The following CHCHD6 variants were observed in gnomAD, a reference collection of about 807,000 sequenced individuals.
The protein encoded by CHCHD6 is coiled-coil-helix-coiled-coil-helix domain containing 6.
Under a neutral mutation model 32.3 loss-of-function variants are expected in CHCHD6, and 28 were observed. The ratio of observed to expected loss-of-function variants is 0.87; its 90% CI spans 0.64 to 1.19. The LOEUF is 1.19. Among genes scored for constraint, CHCHD6 ranks in the 50% most tolerant of loss-of-function variants. CHCHD6 has a pLI of 0.00. For missense variants in CHCHD6, 333 were observed against 307.0 expected (o/e 1.08, Z -0.63); for synonymous variants, 122 against 117.5 (o/e 1.04, Z -0.25).
rs769256372 is a variant in CHCHD6 at position 126,773,602 on chromosome 3, CTTTT to C, written c.411+40401_411+40404del. Among the ~76,000 whole-genome samples the C allele has an allele frequency of 6.7e-5, 6 of 89,946 alleles. No homozygotes were observed. In the East Asian group the frequency reaches 1.6e-3, roughly 25 times the overall value. The allele number at this position is 89,946 out of a possible 152,430, so 59.0% of individuals were successfully genotyped here. A position where few individuals can be genotyped will look rare whatever the true frequency, so the allele number is the denominator to read the frequency against. On this transcript the variant is annotated intron_variant, in intron 4 of 7. Transcript: ENST00000290913. Reference sequence around the variant, plus strand: ...GTTGGTTCTGACAGTTTCTGCTTTTCTTTTTTTTTTTTTTTTTTTTTTTTGAGAC... The same window carrying C: ...GTTGGTTCTGACAGTTTCTGCTTTTCTTTTTTTTTTTTTTTTTTTTGAGAC...
At chr3:126,757,766 G>T (rs564959970) in intron 4 of CHCHD6, among the ~76,000 whole-genome samples, 46 of 152,264 alleles carry the variant, frequency 3.0e-4, no homozygotes, top group African/African-American at 1.0e-3. Flanking sequence ...GAGCACCTAC[G>T]TACCACAGAG....
intron 4 of CHCHD6, among the ~76,000 whole-genome samples, chr3:126,817,623 G>A (rs1442435791): frequency 6.6e-6 from 1 of 152,140 alleles, no homozygotes; most frequent in African/African-American, 2.4e-5. Context: ...CTTTCCACCT[G>A]GACTGTTCAT....
chr3:126,905,357 T>C (rs1367137501), intron 5 of CHCHD6, among the ~76,000 whole-genome samples: 3 of 152,110 alleles, frequency 2.0e-5, no homozygotes, highest in Non-Finnish European at 4.4e-5. Flanking sequence ...ATGACCTTGT[T>C]GTTGGGTCTC....
chr3:126,811,945 A>G (rs976921066), intron 4 of CHCHD6, among the ~76,000 whole-genome samples: 1 of 152,152 alleles, frequency 6.6e-6, no homozygotes, highest in Non-Finnish European at 1.5e-5. Context: ...GCAACATAGT[A>G]CGTTTTCCTT....
At chr3:126,868,047 C>T (rs1298939027) in intron 5 of CHCHD6, among the ~76,000 whole-genome samples, 2 of 152,238 alleles carry the variant, frequency 1.3e-5, no homozygotes, top group African/African-American at 4.8e-5. Context: ...GCAGCATCAT[C>T]TGTCCCTGGA....
At chr3:126,796,923 A>G (rs1177852384) in intron 4 of CHCHD6, among the ~76,000 whole-genome samples, 1 of 152,168 alleles carries the variant, frequency 6.6e-6, no homozygotes, top group African/African-American at 2.4e-5. Flanking sequence ...CAGGGCCAGG[A>G]GGCCCTTAGG....
intron 5 of CHCHD6, among the ~76,000 whole-genome samples, chr3:126,914,075 A>T (rs747901514): frequency 2.6e-4 from 40 of 152,276 alleles, no homozygotes; most frequent in African/African-American, 9.4e-4. Context: ...TGCTGTTCCG[A>T]TGAGTAGGGT....
At chr3:126,721,706 C>A (rs1294451031) in intron 1 of CHCHD6, among the ~76,000 whole-genome samples, 1 of 111,448 alleles carries the variant, frequency 9.0e-6, no homozygotes, top group South Asian at 3.7e-4. Context: ...TCATCACCCC[C>A]ACCCCCCACC....
chr3:126,741,846 G>A (rs1285594925), intron 4 of CHCHD6, among the ~76,000 whole-genome samples: 5 of 152,200 alleles, frequency 3.3e-5, no homozygotes, highest in Admixed American at 6.5e-5. Flanking sequence ...GTTCCTGCCA[G>A]GGATGTGGCT....
intron 5 of CHCHD6, among the ~76,000 whole-genome samples, chr3:126,874,496 A>G (rs1181977517): frequency 6.6e-6 from 1 of 152,112 alleles, no homozygotes; most frequent in Non-Finnish European, 1.5e-5. Context: ...CTCTGTCTGG[A>G]GGGCTCCTCA....
intron 1 of CHCHD6, among the ~76,000 whole-genome samples, chr3:126,707,943 C>A (rs1022825075): frequency 6.6e-6 from 1 of 152,222 alleles, no homozygotes. Context: ...AGGGACAAAG[C>A]CGAGGACCCT....
At chr3:126,723,150 C>T (rs1311340841) in intron 1 of CHCHD6, among the ~76,000 whole-genome samples, 1 of 152,100 alleles carries the variant, frequency 6.6e-6, no homozygotes, top group Non-Finnish European at 1.5e-5. Flanking sequence ...TATTCCCTTC[C>T]ATTGATATGT....
intron 1 of CHCHD6, 134 bp downstream of exon 1, chr3:126,704,533 C>T: frequency 3.8e-6 from 2 of 527,418 alleles, no homozygotes; most frequent in East Asian, 3.7e-5. Flanking sequence ...GGGGCTCAGG[C>T]CAGGAAGAGG....
At chr3:126,903,011 A>T (rs1299824614) in intron 5 of CHCHD6, among the ~76,000 whole-genome samples, 2 of 152,086 alleles carry the variant, frequency 1.3e-5, no homozygotes, top group Non-Finnish European at 2.9e-5. Context: ...CTGCGAAGGG[A>T]GGTCAGGAGG....
intron 6 of CHCHD6, among the ~76,000 whole-genome samples, chr3:126,921,751 T>C (rs2078251310): frequency 6.6e-6 from 1 of 152,236 alleles, no homozygotes; most frequent in Admixed American, 6.5e-5. Context: ...AGAGCTGCTG[T>C]AGTGCTTTCA....
At chr3:126,830,956 T>C (rs1322768638) in intron 4 of CHCHD6, among the ~76,000 whole-genome samples, 1 of 151,800 alleles carries the variant, frequency 6.6e-6, no homozygotes, top group African/African-American at 2.4e-5. Flanking sequence ...CACCTAAGTG[T>C]ACCAGGGCCT....
At position 126,772,674 on chromosome 3, in the gene CHCHD6, C is replaced by T. The variant is rs1028413002; in HGVS notation, c.411+39452C>T. On this transcript the variant is annotated intron_variant, in intron 4 of 7. Coordinates refer to ENST00000290913, the MANE Select transcript of CHCHD6 (RefSeq NM_032343.3). ...TCTTGAAGACAGCATACCATTGGGT[C>T]TTCTTTATCCAGCTTGCCACTCTGT... Among the ~76,000 whole-genome samples, 5 of 152,222 alleles carry T rather than the reference C, an allele frequency of 3.3e-5. 1 individual carries two copies. Among genetic ancestry groups the T allele is most frequent in the African/African-American group, 4.8e-5 (2 of 41,552 alleles).
At chr3:126,883,511 G>C (rs369365072) in intron 5 of CHCHD6, among the ~76,000 whole-genome samples, 1 of 152,186 alleles carries the variant, frequency 6.6e-6, no homozygotes, top group Non-Finnish European at 1.5e-5. Context: ...GAAGTCTTCT[G>C]TGTCAACTGC....
At chr3:126,899,474 T>C (rs1282038799) in intron 5 of CHCHD6, among the ~76,000 whole-genome samples, 1 of 152,168 alleles carries the variant, frequency 6.6e-6, no homozygotes. Context: ...AAACCTTCCT[T>C]TTCTATTCAT....
Sources: allele counts gnomAD v4.1 joint callset (sites outside exome capture counted in the v4.1 genomes callset), GRCh38; gene constraint gnomAD v4.1.1; transcripts MANE v1.5; gene names NCBI Gene and HGNC (gene_info 2026-07-23, HGNC 2026-07-21).